COL25A1: variants seen among roughly 807,000 people sequenced by gnomAD.
COL25A1 encodes collagen type XXV alpha 1 chain.
A neutral mutation model predicts 128.4 loss-of-function variants in COL25A1; 103 were observed. That is an observed-to-expected ratio of 0.80 (90% CI 0.68 to 0.94). The LOEUF (loss-of-function observed/expected upper bound fraction) is 0.94, where lower values mean the gene tolerates loss of function less well. Ranked by LOEUF, COL25A1 falls within the 40% of genes least tolerant of loss-of-function variation. The pLI is 0.00. For synonymous variants in COL25A1, 279 were observed against 277.2 expected (o/e 1.01, Z -0.06); for missense variants, 745 against 840.0 (o/e 0.89, Z 1.40).
intron 3 of COL25A1, among the ~76,000 whole-genome samples, chr4:109,291,827 C>T (rs190875603): frequency 1.3e-5 from 2 of 152,094 alleles, no homozygotes; most frequent in East Asian, 1.9e-4. Context: ...ATTTTTCTAA[C>T]GAACAGTACC....
At chr4:109,031,396 G>A (rs999065798) in intron 5 of COL25A1, among the ~76,000 whole-genome samples, 4 of 152,092 alleles carry the variant, frequency 2.6e-5, no homozygotes, top group South Asian at 2.1e-4. Context: ...GATTACAGGC[G>A]TGAGCCACCG....
chr4:108,983,861 G>A (rs922680835), intron 6 of COL25A1, among the ~76,000 whole-genome samples: 2 of 152,162 alleles, frequency 1.3e-5, no homozygotes, highest in Non-Finnish European at 1.5e-5. Flanking sequence ...TGGACCCGAA[G>A]AGTGAGCAGC....
At position 109,182,945 on chromosome 4, in the gene COL25A1, C is replaced by T. The variant is rs73838542; in HGVS notation, c.367+117638G>A. ...AACAATAGAGGTCATAGCACACACA[C>T]ACACAAAGAATCAGCTTTGCTTTAT... On this transcript the variant is annotated intron_variant, in intron 3 of 37. Transcript: ENST00000399132. Among the ~76,000 whole-genome samples, 844 of 152,218 alleles carry T rather than the reference C, an allele frequency of 5.5e-3. 14 individuals carry two copies. The highest frequency in any genetic ancestry group is 0.019 in the African/African-American group (794 of 41,564).
intron 3 of COL25A1, among the ~76,000 whole-genome samples, chr4:109,250,301 TG>T (rs74799243): frequency 0.3 from 44,392 of 149,202 alleles, 6,867 homozygotes; most frequent in Middle Eastern, 0.38. Context: ...CACAAATATC[TG>T]GGGGGGGAGG....
intron 3 of COL25A1, among the ~76,000 whole-genome samples, chr4:109,083,221 C>G (rs1410716419): frequency 1.3e-5 from 2 of 151,826 alleles, no homozygotes; most frequent in Non-Finnish European, 2.9e-5. Context: ...TAATAGTGAT[C>G]AATGTGATTT....
intron 3 of COL25A1, among the ~76,000 whole-genome samples, chr4:109,090,110 T>C (rs567513328): frequency 4.6e-5 from 7 of 152,290 alleles, no homozygotes; most frequent in Admixed American, 1.3e-4. Flanking sequence ...ATACATGTAA[T>C]AGAAACATGT....
At chr4:108,914,652 C>CCT (rs1188711436) in intron 13 of COL25A1, among the ~76,000 whole-genome samples, 1 of 98,576 alleles carries the variant, frequency 1.0e-5, no homozygotes, top group African/African-American at 4.1e-5. Flanking sequence ...TTTGCTGAAA[C>CCT]TTTTTTTTTT....
At chr4:109,148,382 A>C (rs1013250846) in intron 3 of COL25A1, among the ~76,000 whole-genome samples, 1 of 152,242 alleles carries the variant, frequency 6.6e-6, no homozygotes, top group Non-Finnish European at 1.5e-5. Flanking sequence ...CCTAACATGC[A>C]CAAAGAATAT....
In COL25A1 at chr4:109,298,890, A is replaced by T. The variant is rs112863626; in HGVS notation, c.367+1693T>A. ...GGGAGCCAACAAAAAAGCCTAGGAA[A>T]TCTCCATTTATTATTACGTTCACAT... On this transcript the variant is annotated intron_variant, in intron 3 of 37. Coordinates refer to ENST00000399132, the MANE Select transcript of COL25A1 (RefSeq NM_198721.4). Among the ~76,000 whole-genome samples the T allele has an allele frequency of 3.0e-3, 462 of 152,248 alleles. 2 individuals are homozygous for T. The highest frequency in any genetic ancestry group is 0.01 in the African/African-American group (434 of 41,540).
At chr4:108,912,992 T>C (rs1744414655) in intron 13 of COL25A1, among the ~76,000 whole-genome samples, 1 of 152,134 alleles carries the variant, frequency 6.6e-6, no homozygotes. Flanking sequence ...ATTTTTAAAT[T>C]TATGTTATAT....
chr4:109,278,296 T>C (rs1010743445), intron 3 of COL25A1, among the ~76,000 whole-genome samples: 7 of 152,198 alleles, frequency 4.6e-5, no homozygotes, highest in Non-Finnish European at 5.9e-5. Flanking sequence ...GCTTTATAAA[T>C]GTTCAGTGAT....
chr4:108,862,432 G>A lies in COL25A1; in HGVS notation c.1197+69C>T. Reference sequence around the variant, plus strand: ...TCTAAAACATGAAAAACATGCCTCTGTGGCAAAGGCAAAAAGCACAGATCT... The same window carrying A: ...TCTAAAACATGAAAAACATGCCTCTATGGCAAAGGCAAAAAGCACAGATCT... On this transcript the variant is annotated intron_variant, in intron 22 of 37. Coordinates refer to ENST00000399132, the MANE Select transcript of COL25A1 (RefSeq NM_198721.4). 14 of 1,197,692 alleles carry A rather than the reference G, an allele frequency of 1.2e-5. No individual in the cohort carries two copies. The South Asian group carries it at 1.7e-4, about 15-fold the overall frequency. The allele number at this position is 1,197,692 out of a possible 1,614,324, so 74.2% of individuals were successfully genotyped here.
intron 19 of COL25A1, among the ~76,000 whole-genome samples, chr4:108,881,701 T>A (rs1022818208): frequency 1.3e-5 from 2 of 152,114 alleles, no homozygotes; most frequent in Non-Finnish European, 2.9e-5. Flanking sequence ...AATTTAAGCC[T>A]TTAGCTCTAC....
Position 108,935,446 on chromosome 4 carries a change from TA to T in COL25A1, c.708+2361del, listed in dbSNP as rs1253298782. 4.6e-5 allele frequency among the ~76,000 whole-genome samples: 7 copies of T among 152,342 alleles called. No homozygotes were observed. The South Asian group carries it at 8.3e-4, about 18-fold the overall frequency. ...ATTTGTCACTTTTCTTTATATACAT[TA>T]AAGAGGTTTTCTCTTTGAAAAGAAT... On this transcript the variant is annotated intron_variant, in intron 11 of 37. Coordinates refer to ENST00000399132, the MANE Select transcript of COL25A1 (RefSeq NM_198721.4).
At chr4:108,979,382 T>A (rs886806690) in intron 6 of COL25A1, among the ~76,000 whole-genome samples, 6 of 152,176 alleles carry the variant, frequency 3.9e-5, no homozygotes, top group African/African-American at 1.4e-4. Context: ...TCAATCTACA[T>A]AACAGCAATG....
intron 3 of COL25A1, among the ~76,000 whole-genome samples, chr4:109,254,469 T>TTTTATATATA (rs1357197026): frequency 3.4e-5 from 2 of 59,584 alleles, no homozygotes; most frequent in African/African-American, 1.1e-4. Flanking sequence ...AGGCATATGT[T>TTTTATATATA]TATATATATA....
At chr4:108,866,019 C>A (rs1737863390) in intron 20 of COL25A1, among the ~76,000 whole-genome samples, 1 of 152,210 alleles carries the variant, frequency 6.6e-6, no homozygotes, top group Non-Finnish European at 1.5e-5. Flanking sequence ...CTCCTTCCAT[C>A]TCTTCCTTGT....
Position 108,810,755 on chromosome 4 carries a change from T to C in COL25A1, c.*3172A>G, listed in dbSNP as rs1278309309. ...ACACACATCATCTATTGGTACACTG[T>C]TTTGTTTTACATTAAGAAAGCCTGG... On this transcript the variant is annotated 3_prime_UTR_variant, in exon 38 of 38. Coordinates refer to ENST00000399132, the MANE Select transcript of COL25A1 (RefSeq NM_198721.4). 6.6e-6 allele frequency: 1 copy of C among 152,028 alleles called. No individual in the cohort carries two copies. Among genetic ancestry groups the C allele is most frequent in the Non-Finnish European group, 1.5e-5 (1 of 67,882 alleles). The allele number at this position is 152,028 out of a possible 1,614,324, so 9.4% of individuals were successfully genotyped here.
In COL25A1 at chr4:109,196,723, C is replaced by A. The variant is rs184205756; in HGVS notation, c.367+103860G>T. On this transcript the variant is annotated intron_variant, in intron 3 of 37. Transcript: ENST00000399132. ...TGTACTTCATCATACATATGTTACA[C>A]TCCCAGACTATGTCTGTAGTGGATT... Among the ~76,000 whole-genome samples, 344 of 152,284 alleles carry A rather than the reference C, an allele frequency of 2.3e-3. 1 individual carries two copies. Among genetic ancestry groups the A allele is most frequent in the African/African-American group, 7.6e-3 (316 of 41,564 alleles).
Sources: gnomAD v4.1 joint callset for allele counts (sites outside exome capture counted in the v4.1 genomes callset) on GRCh38, gnomAD v4.1.1 for gene constraint, MANE v1.5 for transcripts, NCBI Gene and HGNC (gene_info 2026-07-23, HGNC 2026-07-21) for gene names.